The following RAP1GAP variants were observed in gnomAD, a reference collection of about 807,000 sequenced individuals.
RAP1GAP encodes RAP1 GTPase activating protein.
In RAP1GAP, 35 loss-of-function variants were observed where a neutral mutation model predicts 87.2. That is an observed-to-expected ratio of 0.40 (90% CI 0.31 to 0.53). The LOEUF is 0.53. RAP1GAP is among the 20% of genes least tolerant of loss of function. RAP1GAP has a pLI of 0.48. For missense variants in RAP1GAP, 734 were observed against 898.9 expected, an observed-to-expected ratio of 0.82 and a Z score of 2.35; for synonymous variants, 375 against 363.9, an observed-to-expected ratio of 1.03 and a Z score of -0.35.
intron 2 of RAP1GAP, among the ~76,000 whole-genome samples, chr1:21,637,414 A>C (rs2094933682): frequency 6.6e-6 from 1 of 151,862 alleles, no homozygotes; most frequent in Non-Finnish European, 1.5e-5. Context: ...TCAGCCTCCC[A>C]AAGTGCTGGG....
rs1192479186 is a variant in RAP1GAP, at chr1:21,612,034, G to C, written c.604C>G (p.Leu202Val). 1.3e-6 allele frequency: 2 copies of C among 1,553,276 alleles called. No individual in the cohort carries two copies. The highest frequency in any genetic ancestry group is 1.7e-6 in the Non-Finnish European group (2 of 1,146,748). ...GGAGGAGGTGAGCACACCTGCCCAA[G>C]CTTCTGATAAATGACGCCAAACTTG... ...NFKFGVIYQK[L>V]GQTSEEELFS... The change falls in exon 11 of 25, where the codon CTT becomes GTT. Residue 202 changes from leucine to valine, a missense_variant. This residue lies in a region of RAP1GAP where 485 missense variants were observed against 646.2 expected (regional missense o/e 0.75). Coordinates refer to ENST00000374765, the MANE Select transcript of RAP1GAP (RefSeq NM_002885.4).
At chr1:21,616,628 G>T (rs535111896) in intron 7 of RAP1GAP, among the ~76,000 whole-genome samples, 7 of 152,156 alleles carry the variant, frequency 4.6e-5, no homozygotes, top group Non-Finnish European at 7.3e-5. Context: ...ACACATTCCC[G>T]GCATGGGACC....
At chr1:21,617,207 G>A in intron 7 of RAP1GAP, 99 bp downstream of exon 7, 1 of 1,367,776 alleles carries the variant, frequency 7.3e-7, no homozygotes, top group South Asian at 1.4e-5. Context: ...CTGTCACCCA[G>A]CCCTGGCCCA....
At chr1:21,612,354 T>C (rs1169074388) in intron 10 of RAP1GAP, among the ~76,000 whole-genome samples, 1 of 152,162 alleles carries the variant, frequency 6.6e-6, no homozygotes, top group Non-Finnish European at 1.5e-5. Flanking sequence ...CCCAGGTCTG[T>C]TGGATTCCAA....
At chr1:21,639,212 C>T (rs1472167472) in intron 2 of RAP1GAP, among the ~76,000 whole-genome samples, 2 of 152,268 alleles carry the variant, frequency 1.3e-5, no homozygotes, top group Admixed American at 6.5e-5. Flanking sequence ...GGTGCCCAGC[C>T]CCACCCCTGG....
At chr1:21,619,952 C>A (rs1570802681) in intron 4 of RAP1GAP, 63 bp downstream of exon 4, 1 of 1,548,872 alleles carries the variant, frequency 6.5e-7, no homozygotes, top group South Asian at 1.1e-5. Flanking sequence ...GCAGCAAGGG[C>A]CCCCCAGCCC....
intron 2 of RAP1GAP, chr1:21,626,950 A>T: frequency 2.2e-6 from 1 of 456,674 alleles, no homozygotes; most frequent in Non-Finnish European, 4.4e-6. Context: ...TACAGACAGG[A>T]CCCAGCTGTG....
At chr1:21,660,351 A>ATTTATTTG (rs1484638681) in intron 1 of RAP1GAP, among the ~76,000 whole-genome samples, 6 of 132,616 alleles carry the variant, frequency 4.5e-5, no homozygotes, top group Non-Finnish European at 6.6e-5. Flanking sequence ...ATATATATTT[A>ATTTATTTG]TTGAGACAGT....
chr1:21,617,374 G>A lies in RAP1GAP; in HGVS notation c.223C>T (p.Pro75Ser), dbSNP rs1182320463. The change falls in exon 7 of 25, where the codon CCC becomes TCC. Residue 75 changes from proline (P) to serine (S), a missense_variant. Physicochemically the swap from Pro to Ser is moderately conservative, Grantham distance 74 (BLOSUM62 -1). Coordinates refer to ENST00000374765, the MANE Select transcript of RAP1GAP (RefSeq NM_002885.4). ...CACTCGAGCTTCACCTTGGTTGTGG[G>A]CGACTGCAGTGGCTCTGTCTCGGGG... ...SIPETEPLQSPTTKVKLECNP... is the reference protein window; with the variant it reads ...SIPETEPLQSSTTKVKLECNP... 1 of 1,601,374 alleles carries A rather than the reference G, an allele frequency of 6.2e-7. No individual in the cohort carries two copies. The highest frequency in any genetic ancestry group is 1.7e-4 in the Middle Eastern group (1 of 6,044).
chr1:21,648,511 G>C (rs913278660), intron 2 of RAP1GAP, among the ~76,000 whole-genome samples: 5 of 151,440 alleles, frequency 3.3e-5, no homozygotes, highest in African/African-American at 1.2e-4. Flanking sequence ...TCTGTAATTA[G>C]AGATAATAGT....
intron 2 of RAP1GAP, among the ~76,000 whole-genome samples, chr1:21,642,875 T>TACACACACACACACAC (rs61497285): frequency 7.7e-4 from 104 of 134,302 alleles, no homozygotes; most frequent in Non-Finnish European, 1.2e-3. Context: ...CCTTCCCCAC[T>TACACACACACACACAC]ACACACACAC....
At chr1:21,617,643 C>T (rs2083133926) in intron 6 of RAP1GAP, 152 bp from the exon 7 acceptor site, 1 of 1,018,494 alleles carries the variant, frequency 9.8e-7, no homozygotes, top group Non-Finnish European at 1.4e-6. Flanking sequence ...GGTTCTGCTC[C>T]AGCCCTTTCC....
At chr1:21,611,899 C>G in intron 11 of RAP1GAP, 83 bp from the exon 12 acceptor site, 2 of 1,509,396 alleles carry the variant, frequency 1.3e-6, no homozygotes, top group Non-Finnish European at 1.8e-6. Context: ...CAGAGAGGGC[C>G]GGAGGGAGGA....
chr1:21,600,718 C>A (rs994550003), intron 20 of RAP1GAP, among the ~76,000 whole-genome samples: 1 of 151,850 alleles, frequency 6.6e-6, no homozygotes, highest in Non-Finnish European at 1.5e-5. Context: ...AACCCCGTAT[C>A]TACTAAAAAT....
At chr1:21,625,862 T>C (rs2091790040) in intron 3 of RAP1GAP, among the ~76,000 whole-genome samples, 1 of 152,184 alleles carries the variant, frequency 6.6e-6, no homozygotes, top group African/African-American at 2.4e-5. Flanking sequence ...ACGATAATGA[T>C]AGAGGCTCGT....
chr1:21,626,983 G>A (rs915692873), intron 2 of RAP1GAP: 8 of 456,586 alleles, frequency 1.8e-5, no homozygotes, highest in East Asian at 6.9e-5. Flanking sequence ...ACGGCTGGCC[G>A]GCAGCAAAGC....
chr1:21,606,206 G>A lies in RAP1GAP; in HGVS notation c.1297-9C>T, dbSNP rs370754972. Reference sequence around the variant, plus strand: ...CGGCTCCGGATGACCCGCTGTGAAGGGGGTGGCAGTGGAGGAGGCACAGGA... The same window carrying A: ...CGGCTCCGGATGACCCGCTGTGAAGAGGGTGGCAGTGGAGGAGGCACAGGA... On this transcript the variant is annotated splice_polypyrimidine_tract_variant and intron_variant, in intron 17 of 24. Transcript: ENST00000374765. 9.5e-6 allele frequency: 15 copies of A among 1,574,850 alleles called. No homozygotes were observed. Among genetic ancestry groups the A allele is most frequent in the Admixed American group, 1.8e-5 (1 of 54,806 alleles).
At chr1:21,635,474 G>A (rs530252941) in intron 2 of RAP1GAP, among the ~76,000 whole-genome samples, 1 of 152,162 alleles carries the variant, frequency 6.6e-6, no homozygotes, top group Non-Finnish European at 1.5e-5. Flanking sequence ...GGATCAGAGT[G>A]GGGTGAACCA....
rs1343542166 is a variant in RAP1GAP, at chr1:21,612,159, C to T, written c.529-50G>A. 5.0e-6 allele frequency: 7 copies of T among 1,405,892 alleles called. No individual in the cohort carries two copies. In the African/African-American group the frequency reaches 5.7e-5, roughly 11 times the overall value. 87.1% of individuals were successfully genotyped at this position (1,405,892 alleles called of 1,614,324 possible). ...GAGGCTGCGTGTGCAAGCTGCCATT[C>T]GACGTGCTCTTCCCCCGTGCCAAGC... On this transcript the variant is annotated intron_variant, in intron 10 of 24. Coordinates refer to ENST00000374765, the MANE Select transcript of RAP1GAP (RefSeq NM_002885.4).
Sources: gnomAD v4.1 joint callset for allele counts (sites outside exome capture counted in the v4.1 genomes callset) on GRCh38, gnomAD v4.1.1 for gene constraint, gnomAD v4.1.1 regional missense constraint, MANE v1.5 for transcripts, NCBI Gene and HGNC (gene_info 2026-07-23, HGNC 2026-07-21) for gene names.